GAREM1: variants seen among roughly 807,000 people sequenced by gnomAD.
GAREM1 encodes the protein GRB2-associated and regulator of MAPK protein 1.
GAREM1 carries 26 observed loss-of-function variants against 71.3 expected under a neutral mutation model. The observed-to-expected ratio is 0.36, with a 90% CI of 0.27 to 0.51. The LOEUF (loss-of-function observed/expected upper bound fraction) is 0.51. Among genes scored for constraint, GAREM1 ranks in the 20% least tolerant of loss-of-function variants. GAREM1 has a pLI of 0.95. For missense variants in GAREM1, 1,026 were observed against 1,103.1 expected (o/e 0.93, Z 0.99); for synonymous variants, 440 against 433.2 (o/e 1.02, Z -0.20).
intron 2 of GAREM1, among the ~76,000 whole-genome samples, chr18:32,330,202 G>C (rs1485507688): frequency 6.6e-6 from 1 of 152,148 alleles, no homozygotes; most frequent in African/African-American, 2.4e-5. Context: ...CATGTCTTTT[G>C]CAGCAACAAG....
At chr18:32,278,816 T>C (rs1218400077) in intron 4 of GAREM1, among the ~76,000 whole-genome samples, 2 of 152,348 alleles carry the variant, frequency 1.3e-5, no homozygotes, top group Admixed American at 6.5e-5. Flanking sequence ...ATTTGATTAA[T>C]TACACAAGGG....
intron 2 of GAREM1, among the ~76,000 whole-genome samples, chr18:32,390,021 G>A (rs1295500353): frequency 6.6e-6 from 1 of 152,032 alleles, no homozygotes; most frequent in Non-Finnish European, 1.5e-5. Context: ...TGACAAGTTG[G>A]CCGGGCGTAG....
chr18:32,398,161 A>T (rs551473634), intron 1 of GAREM1, among the ~76,000 whole-genome samples: 1 of 152,362 alleles, frequency 6.6e-6, no homozygotes, highest in Non-Finnish European at 1.5e-5. Context: ...ACACATTTAA[A>T]GCAGTGTGTA....
chr18:32,435,857 G>A (rs1414285030), intron 1 of GAREM1, among the ~76,000 whole-genome samples: 3 of 152,066 alleles, frequency 2.0e-5, no homozygotes, highest in South Asian at 2.1e-4. Flanking sequence ...TGGCTTTGGC[G>A]CATAATCTTA....
intron 1 of GAREM1, among the ~76,000 whole-genome samples, chr18:32,447,421 G>A (rs1376422824): frequency 1.3e-5 from 2 of 152,022 alleles, no homozygotes; most frequent in Non-Finnish European, 2.9e-5. Context: ...ATAAATTTCT[G>A]AGTCACAGTC....
In GAREM1 at chr18:32,268,215, A is replaced by G; in HGVS notation, c.2287T>C (p.Ser763Pro). 3 of 1,614,136 alleles carry G rather than the reference A, an allele frequency of 1.9e-6. No homozygotes were observed. Among genetic ancestry groups the G allele is most frequent in the Non-Finnish European group, 1.7e-6 (2 of 1,180,028 alleles). ...TTTTTAACAAAATACTGGTCCTCCG[A>G]GAGATCTGGTGACCCAGACTTGGGG... is the stretch of plus-strand genomic sequence containing the variant. ...EDPKSGSPDL[S>P]EDQYFVKKGM... Residue 763 changes from serine (S) to proline (P), a missense_variant, in exon 6 of 6, where the codon TCG becomes CCG. By Grantham distance (74) the Ser-to-Pro change is moderately conservative (BLOSUM62 -1). Transcript: ENST00000269209.
chr18:32,449,174 A>G (rs2048810399), intron 1 of GAREM1, among the ~76,000 whole-genome samples: 2 of 152,158 alleles, frequency 1.3e-5, no homozygotes, highest in African/African-American at 2.4e-5. Flanking sequence ...AGTAAATGAG[A>G]TAATGTATGT....
chr18:32,269,708 G>A (rs4462681), intron 5 of GAREM1, among the ~76,000 whole-genome samples: 7,692 of 152,226 alleles, frequency 0.051, 346 homozygotes, highest in African/African-American at 0.12. Flanking sequence ...GGAATGAGCT[G>A]TGTTGCAGAA....
intron 2 of GAREM1, among the ~76,000 whole-genome samples, chr18:32,358,957 T>G (rs2047834026): frequency 6.6e-6 from 1 of 152,142 alleles, no homozygotes. Flanking sequence ...AAGTGCTGGG[T>G]CCTGTTCACT....
intron 1 of GAREM1, among the ~76,000 whole-genome samples, chr18:32,412,018 C>T (rs546754784): frequency 1.9e-4 from 29 of 152,218 alleles, no homozygotes; most frequent in Admixed American, 1.6e-3. Context: ...ACTAAAATAA[C>T]CTGTTATACA....
intron 4 of GAREM1, among the ~76,000 whole-genome samples, chr18:32,277,976 A>G (rs574010063): frequency 5.5e-4 from 84 of 152,268 alleles, no homozygotes; most frequent in African/African-American, 1.9e-3. Context: ...GATACTTCCT[A>G]GGGGTTTATG....
intron 3 of GAREM1, among the ~76,000 whole-genome samples, chr18:32,289,137 A>G (rs1352650337): frequency 6.6e-6 from 1 of 152,154 alleles, no homozygotes; most frequent in Non-Finnish European, 1.5e-5. Context: ...GGAGTGCAGC[A>G]GCATGATCAC....
At chr18:32,275,731 T>C (rs2041532571) in intron 4 of GAREM1, among the ~76,000 whole-genome samples, 1 of 152,130 alleles carries the variant, frequency 6.6e-6, no homozygotes, top group Non-Finnish European at 1.5e-5. Context: ...CAGGCTGGAG[T>C]GCAATGGCGC....
At chr18:32,382,097 T>C (rs2048103281) in intron 2 of GAREM1, among the ~76,000 whole-genome samples, 1 of 152,226 alleles carries the variant, frequency 6.6e-6, no homozygotes, top group Non-Finnish European at 1.5e-5. Context: ...TTGATGTTTC[T>C]CCTTTAAAGA....
chr18:32,335,944 G>A (rs1241478876), intron 2 of GAREM1, among the ~76,000 whole-genome samples: 4 of 152,294 alleles, frequency 2.6e-5, no homozygotes, highest in South Asian at 2.1e-4. Flanking sequence ...TGGGAGCAAC[G>A]GAGTGCACTG....
intron 2 of GAREM1, among the ~76,000 whole-genome samples, chr18:32,389,324 G>A (rs1241866574): frequency 6.6e-6 from 1 of 152,148 alleles, no homozygotes; most frequent in Non-Finnish European, 1.5e-5. Context: ...TAGCTAACAT[G>A]ATCACAGTCA....
At chr18:32,466,577 A>G (rs1051382480) in intron 1 of GAREM1, among the ~76,000 whole-genome samples, 1 of 152,208 alleles carries the variant, frequency 6.6e-6, no homozygotes, top group Non-Finnish European at 1.5e-5. Flanking sequence ...GGTTGTAAGA[A>G]TGCTACTCTA....
rs1230038034 is a variant in GAREM1, at chr18:32,288,193, C to T, written c.404G>A (p.Gly135Asp). ...DITFNVKVAS[G>D]ECNEDTEVYN... ...AACTTCAGTGTCTTCATTGCATTCA[C>T]CTGAAGCAACCTACAATATAATAAA... The change falls in exon 4 of 6, where the codon GGT becomes GAT. Residue 135 changes from glycine to aspartate, a missense_variant. Gly to Asp is a moderately conservative substitution (Grantham distance 94). Transcript: ENST00000269209. The T allele has an allele frequency of 6.3e-7, 1 of 1,597,846 alleles. No homozygotes were observed. The highest frequency in any genetic ancestry group is 2.2e-5 in the East Asian group (1 of 44,696).
intron 1 of GAREM1, among the ~76,000 whole-genome samples, chr18:32,453,762 T>A (rs1180314559): frequency 3.9e-5 from 6 of 152,172 alleles, no homozygotes; most frequent in Non-Finnish European, 8.8e-5. Context: ...ACAAATCTGC[T>A]GGCAGGACCC....
Sources: allele counts gnomAD v4.1 joint callset (sites outside exome capture counted in the v4.1 genomes callset), GRCh38; gene constraint gnomAD v4.1.1; transcripts MANE v1.5; gene names NCBI Gene and HGNC (gene_info 2026-07-23, HGNC 2026-07-21).